The following ZNF311 variants were observed in gnomAD, a reference collection of about 807,000 sequenced individuals.
The protein encoded by ZNF311 is zinc finger protein 311.
A neutral mutation model predicts 22.7 loss-of-function variants in ZNF311; 14 were observed. That is an observed-to-expected ratio of 0.62 (90% CI 0.41 to 0.96). ZNF311 has a LOEUF of 0.96. Among genes scored for constraint, ZNF311 ranks in the 40% least tolerant of loss-of-function variants. The probability of loss-of-function intolerance (pLI) is 0.00; values close to 1 mark genes in which losing one functional copy is unlikely to be tolerated. For synonymous variants in ZNF311, 250 were observed against 275.3 expected (o/e 0.91, Z 0.91); for missense variants, 731 against 799.0 (o/e 0.91, Z 1.03).
chr6:28,997,522 A>G (rs1180062155), intron 6 of ZNF311, among the ~76,000 whole-genome samples: 1 of 152,200 alleles, frequency 6.6e-6, no homozygotes, highest in East Asian at 1.9e-4. Context: ...TTCCACTGCC[A>G]GTGCATTCTC....
rs1780836097 is a variant in ZNF311, at chr6:29,004,091, T to A, written c.-137A>T. On this transcript the variant is annotated 5_prime_UTR_variant, in exon 2 of 7. Coordinates refer to ENST00000377179, the MANE Select transcript of ZNF311 (RefSeq NM_001382360.1). ...CTTTGGAGAACACATGTTTTGGTGG[T>A]GCCAGCCAAAGGGCCCTTCTTGACC... 4 of 1,593,126 alleles carry A rather than the reference T, an allele frequency of 2.5e-6. No individual in the cohort carries two copies. In the Admixed American group the frequency reaches 6.9e-5, roughly 27 times the overall value.
intron 6 of ZNF311, 22 bp from the exon 7 acceptor site, chr6:28,996,608 G>A (rs765949120): frequency 1.9e-6 from 3 of 1,561,980 alleles, no homozygotes; most frequent in Non-Finnish European, 2.6e-6. Flanking sequence ...AAATACAAAT[G>A]TCAGAGGGAA....
At position 28,996,002 on chromosome 6, in the gene ZNF311, T is replaced by G. The variant is rs1451403189; in HGVS notation, c.1000A>C (p.Arg334=). Residue 334 remains arginine (R), a synonymous_variant, in exon 7 of 7, where the codon AGG becomes CGG. Transcript: ENST00000377179. ...GTCTTGAAGGCCTTCCCACAGTCCCTGCACTCGTGAGGCTTCTCCCCACTG... is the reference window on the plus strand; with the variant it reads ...GTCTTGAAGGCCTTCCCACAGTCCCGGCACTCGTGAGGCTTCTCCCCACTG... The part of the protein sequence containing the change: ...THSGEKPHEC[R]DCGKAFKTRN... 3 of 1,613,658 alleles carry G rather than the reference T, an allele frequency of 1.9e-6. No individual in the cohort carries two copies. Among genetic ancestry groups the G allele is most frequent in the Non-Finnish European group, 2.5e-6 (3 of 1,180,024 alleles).
rs773748902 is a variant in ZNF311 at position 28,995,073 on chromosome 6, A to G, written c.1929T>C (p.Asp643=). The change falls in exon 7 of 7, where the codon GAT becomes GAC. Residue 643 remains aspartate, a synonymous_variant. Coordinates refer to ENST00000377179, the MANE Select transcript of ZNF311 (RefSeq NM_001382360.1). The surrounding 1 kb of genome is among the most constrained non-coding windows in gnomAD (Gnocchi z 4.7). The part of the protein sequence containing the change: ...KHQVWSTHEL[D]GSRKSLSPVT... The stretch of plus-strand genomic sequence containing the variant: ...CTGGAGAGAGGGATTTCCTACTCCC[A>G]TCAAGTTCATGGGTACTCCATACTT... 20 of 1,613,676 alleles carry G rather than the reference A, an allele frequency of 1.2e-5. No homozygotes were observed. Among genetic ancestry groups the G allele is most frequent in the Non-Finnish European group, 1.7e-5 (20 of 1,180,032 alleles).
chr6:29,004,249 C>T (rs1337991517), intron 1 of ZNF311, 35 bp from the exon 2 acceptor site: 2 of 1,350,432 alleles, frequency 1.5e-6, no homozygotes, highest in African/African-American at 3.0e-5. Context: ...AGGAATGTGA[C>T]CACAGGAAAA....
upstream of ZNF311, chr6:29,005,371 G>T (rs920960946): frequency 6.6e-6 from 1 of 151,690 alleles, no homozygotes; most frequent in African/African-American, 2.4e-5. Context: ...AGGGCAAATG[G>T]GCGGGAAATG....
intron 3 of ZNF311, among the ~76,000 whole-genome samples, chr6:29,003,187 A>G (rs762690745): frequency 9.2e-5 from 14 of 152,216 alleles, no homozygotes; most frequent in Non-Finnish European, 1.9e-4. Context: ...TAAGTGTAAA[A>G]TATGTGCAAA....
intron 2 of ZNF311, 49 bp downstream of exon 2, chr6:29,003,897 C>T (rs1414123581): frequency 3.1e-6 from 5 of 1,612,790 alleles, no homozygotes; most frequent in Non-Finnish European, 3.4e-6. Context: ...CTTGGACTCA[C>T]TTCTCCTTCT....
chr6:28,999,841 T>C, intron 4 of ZNF311, 115 bp downstream of exon 4: 4 of 1,295,312 alleles, frequency 3.1e-6, no homozygotes, highest in Non-Finnish European at 4.3e-6. Context: ...ATGTTCCTTA[T>C]GAGAGGGAGA....
At chr6:29,002,748 G>C (rs1444676757) in intron 3 of ZNF311, among the ~76,000 whole-genome samples, 1 of 151,852 alleles carries the variant, frequency 6.6e-6, no homozygotes, top group Non-Finnish European at 1.5e-5. Flanking sequence ...AGCCTCCTGA[G>C]TAACTGGGGT....
chr6:28,995,407 C>T lies in ZNF311; in HGVS notation c.1595G>A (p.Cys532Tyr). The stretch of plus-strand genomic sequence containing the variant: ...TGACTTCCCACTGAAAGCTTTCCCA[C>T]ACTCTAAACATTTGTAAGGTTTCTC... ...TGEKPYKCLECGKAFSGKSNL... is the reference protein window; with the variant it reads ...TGEKPYKCLEYGKAFSGKSNL... The change falls in exon 7 of 7, where the codon TGT (cysteine) becomes TAT (tyrosine). Residue 532 changes from cysteine (C) to tyrosine (Y), a missense_variant. Cys to Tyr is a radical substitution (Grantham distance 194). Coordinates refer to ENST00000377179, the MANE Select transcript of ZNF311 (RefSeq NM_001382360.1). This position sits in a 1 kb window ranked among gnomAD's most constrained non-coding sequence, Gnocchi z 4.7. 1 of 1,614,170 alleles carries T rather than the reference C, an allele frequency of 6.2e-7. No homozygotes were observed. Among genetic ancestry groups the T allele is most frequent in the Non-Finnish European group, 8.5e-7 (1 of 1,180,044 alleles).
intron 5 of ZNF311, among the ~76,000 whole-genome samples, chr6:28,999,057 G>GA (rs1780043253): frequency 6.6e-6 from 1 of 151,172 alleles, no homozygotes. Context: ...GAAGTTCTGG[G>GA]AAACAGTCAT....
rs755167797 is a variant in ZNF311, at chr6:28,995,613, C to T, written c.1389G>A (p.Arg463=). 6.2e-7 allele frequency: 1 copy of T among 1,613,416 alleles called. No individual in the cohort carries two copies. Among genetic ancestry groups the T allele is most frequent in the Non-Finnish European group, 8.5e-7 (1 of 1,179,990 alleles). ...SIKAELTKHR[R]IHTEEKRYRC... ...TGTAACGTTTCTCTTCAGTGTGGAT[C>T]CTTCTGTGTTTGGTGAGTTCTGCCT... The change falls in exon 7 of 7, where the codon AGG becomes AGA. Residue 463 remains arginine (R), a synonymous_variant. Coordinates refer to ENST00000377179, the MANE Select transcript of ZNF311 (RefSeq NM_001382360.1). The surrounding 1 kb of genome is among the most constrained non-coding windows in gnomAD (Gnocchi z 4.7).
chr6:28,999,613 C>G lies in ZNF311; in HGVS notation c.184G>C (p.Glu62Gln). Residue 62 changes from glutamate (E) to glutamine (Q), a missense_variant and splice_region_variant, in exon 5 of 7, where the codon GAG (glutamate) becomes CAG (glutamine). Glu to Gln is a conservative substitution (Grantham distance 29). Coordinates refer to ENST00000377179, the MANE Select transcript of ZNF311 (RefSeq NM_001382360.1). ...ADITLMSQAQESVTFEDVAVN... is the reference protein window; with the variant it reads ...ADITLMSQAQQSVTFEDVAVN... Reference sequence around the variant, plus strand: ...GCTACATCCTCAAATGTCACTGACTCCTGAAATAATATGCTCCTGCTATCC... The same window carrying G: ...GCTACATCCTCAAATGTCACTGACTGCTGAAATAATATGCTCCTGCTATCC... 1 of 1,611,080 alleles carries G rather than the reference C, an allele frequency of 6.2e-7. No homozygotes were observed. The highest frequency in any genetic ancestry group is 1.1e-5 in the South Asian group (1 of 90,202).
chr6:29,000,734 C>T (rs1773222757), intron 3 of ZNF311, among the ~76,000 whole-genome samples: 1 of 151,218 alleles, frequency 6.6e-6, no homozygotes, highest in African/African-American at 2.4e-5. Flanking sequence ...AAAGAGTGTC[C>T]AAGTGTTCAG....
chr6:28,999,546 G>A lies in ZNF311; in HGVS notation c.251C>T (p.Ala84Val). The change falls in exon 5 of 7, where the codon GCT becomes GTT. Residue 84 changes from alanine to valine, a missense_variant. Transcript: ENST00000377179. ...CACATCCTTATAGAGATGCCTTTGA[G>A]CGTAGGTCAGACACTGCCACTCCCT... is the stretch of plus-strand genomic sequence containing the variant. ...TNREWQCLTY[A>V]QRHLYKDVML... 1 of 1,613,628 alleles carries A rather than the reference G, an allele frequency of 6.2e-7. No homozygotes were observed. The highest frequency in any genetic ancestry group is 8.5e-7 in the Non-Finnish European group (1 of 1,179,994).
Position 29,000,005 on chromosome 6 carries a change from C to A in ZNF311, c.134G>T (p.Ser45Ile). Reference sequence around the variant, plus strand: ...ATCTGCTTGCGGCAGGTTTCCTTGGCTTCCATCTTTAGTGAAGGCAGGATA... The same window carrying A: ...ATCTGCTTGCGGCAGGTTTCCTTGGATTCCATCTTTAGTGAAGGCAGGATA... ...APYPAFTKDG[S>I]QGNLPQADIT... Residue 45 changes from serine to isoleucine, a missense_variant, in exon 4 of 7, where the codon AGC (serine) becomes ATC (isoleucine). Ser to Ile is a moderately radical substitution (Grantham distance 142). Coordinates refer to ENST00000377179, the MANE Select transcript of ZNF311 (RefSeq NM_001382360.1). 2 of 1,613,738 alleles carry A rather than the reference C, an allele frequency of 1.2e-6. No homozygotes were observed. The highest frequency in any genetic ancestry group is 1.7e-6 in the Non-Finnish European group (2 of 1,179,930).
chr6:29,004,258 AAAAT>A, intron 1 of ZNF311, 44 bp from the exon 2 acceptor site: 1 of 1,333,994 alleles, frequency 7.5e-7, no homozygotes, highest in Non-Finnish European at 9.7e-7. Flanking sequence ...ACCACAGGAA[AAAAT>A]AGGGAGTCAC....
intron 4 of ZNF311, 101 bp from the exon 5 acceptor site, chr6:28,999,714 GA>G: frequency 6.8e-7 from 1 of 1,471,336 alleles, no homozygotes; most frequent in Non-Finnish European, 9.0e-7. Flanking sequence ...TTATAGAAGT[GA>G]AAGGCTCTTC....
Sources: allele counts gnomAD v4.1 joint callset (sites outside exome capture counted in the v4.1 genomes callset), GRCh38; gene constraint gnomAD v4.1.1; non-coding constraint Gnocchi (gnomAD v3.1); transcripts MANE v1.5; gene names NCBI Gene and HGNC (gene_info 2026-07-23, HGNC 2026-07-21).